Variants in CDH11 observed in about 807,000 individuals in gnomAD.
CDH11 encodes cadherin-11.
In CDH11, 11 loss-of-function variants were observed where a neutral mutation model predicts 67.8. The ratio of observed to expected loss-of-function variants is 0.16; its 90% CI spans 0.10 to 0.27. The LOEUF (loss-of-function observed/expected upper bound fraction) is 0.27, where lower values mean the gene tolerates loss of function less well. Among genes scored for constraint, CDH11 ranks in the 10% least tolerant of loss-of-function variants. The pLI is 1.00. For missense variants in CDH11, 847 were observed against 1,031.2 expected, an observed-to-expected ratio of 0.82 and a Z score of 2.45; for synonymous variants, 419 against 400.0, an observed-to-expected ratio of 1.05 and a Z score of -0.57.
At chr16:64,998,492 C>G in intron 4 of CDH11, 70 bp downstream of exon 4, 1 of 1,419,012 alleles carries the variant, frequency 7.0e-7, no homozygotes, top group Non-Finnish European at 9.7e-7. Flanking sequence ...TTTGGGAGAA[C>G]GGGCTTCAGC....
At chr16:64,986,553 T>A (rs1165747795) in intron 7 of CDH11, 1 of 151,770 alleles carries the variant, frequency 6.6e-6, no homozygotes, top group African/African-American at 2.4e-5. Flanking sequence ...TCAATGTTCA[T>A]ATGTCAGTGT....
intron 1 of CDH11, 131 bp from the exon 2 acceptor site, chr16:65,054,059 G>T: frequency 2.8e-6 from 1 of 354,582 alleles, no homozygotes; most frequent in South Asian, 2.2e-5. Context: ...CAAAGAGAGA[G>T]AGAAACAAAT....
chr16:65,065,070 G>A (rs1319798446), intron 1 of CDH11, among the ~76,000 whole-genome samples: 3 of 152,242 alleles, frequency 2.0e-5, no homozygotes, highest in African/African-American at 7.2e-5. Flanking sequence ...GCTATGCGAG[G>A]GGACTGCAAG....
At chr16:65,069,972 T>G (rs1002608967) in intron 1 of CDH11, among the ~76,000 whole-genome samples, 1 of 152,118 alleles carries the variant, frequency 6.6e-6, no homozygotes, top group East Asian at 1.9e-4. Context: ...ACCTCAAACC[T>G]GGATAGAATT....
At chr16:64,982,521 A>C (rs1285286434) in intron 7 of CDH11, 2 of 526,072 alleles carry the variant, frequency 3.8e-6, no homozygotes, top group African/African-American at 1.9e-5. Context: ...CACAACAGAC[A>C]CAGAAAGACC....
intron 1 of CDH11, among the ~76,000 whole-genome samples, chr16:65,093,327 T>C (rs544114577): frequency 2.8e-4 from 43 of 150,974 alleles, no homozygotes; most frequent in Non-Finnish European, 5.6e-4. Flanking sequence ...AGGAGCACAG[T>C]GACCGACTCC....
chr16:64,948,629 C>G, intron 12 of CDH11: 1 of 1,611,808 alleles, frequency 6.2e-7, no homozygotes, highest in Non-Finnish European at 8.5e-7. Context: ...GTTGGACTCT[C>G]TGTAGCCACC....
At position 64,944,284 on chromosome 16, in the gene CDH11, G is replaced by T. The variant is rs904183061; in HGVS notation, c.*3319C>A. 6.0e-5 allele frequency: 14 copies of T among 232,968 alleles called. No homozygotes were observed. The highest frequency in any genetic ancestry group is 3.1e-4 in the African/African-American group (14 of 45,312). The allele number at this position is 232,968 out of a possible 1,614,324, so 14.4% of individuals were successfully genotyped here. ...GCCAAGAGGTGGGGTCAGTCTTCCG[G>T]GTCAGAGATGACCATGGCCCAGACC... On this transcript the variant is annotated 3_prime_UTR_variant, in exon 13 of 13. Transcript: ENST00000268603.
At chr16:64,980,119 T>A (rs2072292323) in intron 8 of CDH11, among the ~76,000 whole-genome samples, 1 of 152,014 alleles carries the variant, frequency 6.6e-6, no homozygotes, top group Non-Finnish European at 1.5e-5. Context: ...GTGGGGGGGA[T>A]CAATAAAAAT....
chr16:64,995,580 A>G (rs950427751), intron 4 of CDH11, among the ~76,000 whole-genome samples: 13 of 152,304 alleles, frequency 8.5e-5, no homozygotes, highest in African/African-American at 3.1e-4. Flanking sequence ...TTCCCCATAT[A>G]CAAAAATTAA....
chr16:65,009,251 A>G lies in CDH11; in HGVS notation c.-172-4210T>C, dbSNP rs573485680. ...ACTATAATAAAAAAAAATTATCCAA[A>G]CCAAAAAGAAAGAAAAAGCATTTTA... On this transcript the variant is annotated intron_variant, in intron 2 of 12. Transcript: ENST00000268603. Among the ~76,000 whole-genome samples, 4 of 152,298 alleles carry G rather than the reference A, an allele frequency of 2.6e-5. No individual in the cohort carries two copies. The South Asian group carries it at 8.3e-4, about 32-fold the overall frequency.
chr16:65,122,091 A>T, upstream of CDH11: 2 of 355,020 alleles, frequency 5.6e-6, no homozygotes, highest in Non-Finnish European at 5.4e-6. Context: ...AGTGGCAGGA[A>T]TGAGAAACCG....
At chr16:65,034,551 C>G (rs1226808094) in intron 2 of CDH11, among the ~76,000 whole-genome samples, 1 of 152,094 alleles carries the variant, frequency 6.6e-6, no homozygotes, top group Non-Finnish European at 1.5e-5. Flanking sequence ...ATCTTGTGGT[C>G]TCATTTCAAA....
chr16:65,046,394 G>A (rs1373176455), intron 2 of CDH11, among the ~76,000 whole-genome samples: 1 of 152,188 alleles, frequency 6.6e-6, no homozygotes, highest in Non-Finnish European at 1.5e-5. Context: ...AGATCAAGTG[G>A]CCCAAAGAGG....
chr16:65,111,659 C>G (rs925328499), intron 1 of CDH11, among the ~76,000 whole-genome samples: 1 of 135,496 alleles, frequency 7.4e-6, no homozygotes, highest in Non-Finnish European at 1.6e-5. Flanking sequence ...GTCCTTTCCT[C>G]TGAGGAAAGC....
chr16:65,020,224 T>C (rs998876112), intron 2 of CDH11, among the ~76,000 whole-genome samples: 1 of 152,200 alleles, frequency 6.6e-6, no homozygotes, highest in African/African-American at 2.4e-5. Flanking sequence ...TGAGAAATTA[T>C]CAAAAGACAA....
intron 11 of CDH11, among the ~76,000 whole-genome samples, chr16:64,970,496 A>G (rs537120422): frequency 6.6e-6 from 1 of 152,198 alleles, no homozygotes; most frequent in South Asian, 2.1e-4. Context: ...CATCTGTGGA[A>G]TAGGGGTGAC....
At chr16:64,955,551 C>A (rs775748589) in intron 11 of CDH11, among the ~76,000 whole-genome samples, 6 of 152,102 alleles carry the variant, frequency 3.9e-5, no homozygotes, top group Non-Finnish European at 7.4e-5. Flanking sequence ...CCAGCCTGGG[C>A]AACATAGCGA....
At chr16:65,005,714 G>A (rs540929974) in intron 2 of CDH11, among the ~76,000 whole-genome samples, 179 of 152,292 alleles carry the variant, frequency 1.2e-3, no homozygotes, top group African/African-American at 4.3e-3. Context: ...ATTCAAGGAG[G>A]AAGATTTGCT....
Sources: allele counts gnomAD v4.1 joint callset (sites outside exome capture counted in the v4.1 genomes callset), GRCh38; gene constraint gnomAD v4.1.1; transcripts MANE v1.5; gene names NCBI Gene and HGNC (gene_info 2026-07-23, HGNC 2026-07-21).